PLEKHM3: variants seen among roughly 807,000 people sequenced by gnomAD.
PLEKHM3 encodes the protein pleckstrin homology domain containing M3.
A neutral mutation model predicts 81.8 loss-of-function variants in PLEKHM3; 45 were observed. The observed-to-expected ratio is 0.55, with a 90% CI of 0.43 to 0.71. PLEKHM3 has a LOEUF of 0.71. PLEKHM3 is among the 30% of genes least tolerant of loss of function. PLEKHM3 has a pLI of 0.00. For synonymous variants in PLEKHM3, 352 were observed against 356.4 expected (o/e 0.99, Z 0.14); for missense variants, 788 against 924.3 (o/e 0.85, Z 1.91).
intron 7 of PLEKHM3, among the ~76,000 whole-genome samples, chr2:207,837,697 C>A (rs2092327457): frequency 7.1e-6 from 1 of 139,892 alleles, no homozygotes; most frequent in Admixed American, 7.6e-5. Context: ...CGTGATCTGC[C>A]CACCTCGGCC....
intron 2 of PLEKHM3, among the ~76,000 whole-genome samples, chr2:207,978,191 T>A (rs1279929485): frequency 6.6e-6 from 1 of 151,406 alleles, no homozygotes; most frequent in Non-Finnish European, 1.5e-5. Context: ...AACATCAACG[T>A]GAGATGCAGA....
At chr2:207,907,997 C>G (rs569632801) in intron 6 of PLEKHM3, among the ~76,000 whole-genome samples, 1 of 152,098 alleles carries the variant, frequency 6.6e-6, no homozygotes, top group East Asian at 1.9e-4. Context: ...AAGATTTATC[C>G]ATATTGTAGC....
At chr2:207,925,098 A>C (rs1246391734) in intron 5 of PLEKHM3, among the ~76,000 whole-genome samples, 1 of 152,008 alleles carries the variant, frequency 6.6e-6, no homozygotes, top group East Asian at 1.9e-4. Context: ...TGAGTGCTTA[A>C]GATGGGATCT....
intron 4 of PLEKHM3, among the ~76,000 whole-genome samples, chr2:207,943,590 C>T (rs905312227): frequency 2.2e-4 from 33 of 151,908 alleles, no homozygotes; most frequent in Non-Finnish European, 4.1e-4. Context: ...CCATATAGGC[C>T]GGGCGCGGTG....
chr2:208,001,515 A>C lies in PLEKHM3; in HGVS notation c.125T>G (p.Val42Gly), dbSNP rs756976770. The change falls in exon 2 of 8, where the codon GTC becomes GGC. Residue 42 changes from valine (V) to glycine (G), a missense_variant. Transcript: ENST00000427836. ...QQAEVYGIQE[V>G]PELVGHEVLS... ...TACCTCATGCCCCACCAGTTCAGGG[A>C]CTTCCTGGATCCCATAAACCTCTGC... 2.5e-6 allele frequency: 4 copies of C among 1,614,004 alleles called. No homozygotes were observed. Among genetic ancestry groups the C allele is most frequent in the Non-Finnish European group, 3.4e-6 (4 of 1,180,022 alleles).
chr2:207,918,395 G>A (rs1234381859), intron 5 of PLEKHM3, among the ~76,000 whole-genome samples: 3 of 152,090 alleles, frequency 2.0e-5, no homozygotes, highest in East Asian at 3.9e-4. Context: ...GGTGGTGGGC[G>A]CCTGTAGTCC....
chr2:208,020,653 A>G (rs541970265), intron 1 of PLEKHM3, among the ~76,000 whole-genome samples: 27 of 152,354 alleles, frequency 1.8e-4, no homozygotes, highest in African/African-American at 6.3e-4. Context: ...GCTAGGATGT[A>G]GTTCAGTTCC....
At chr2:207,929,937 A>G in intron 5 of PLEKHM3, 1 of 696,634 alleles carries the variant, frequency 1.4e-6, no homozygotes, top group Non-Finnish European at 2.6e-6. Context: ...GCTGCTGGTC[A>G]TTTCTATTAA....
chr2:207,928,006 T>A lies in PLEKHM3; in HGVS notation c.1886+2920A>T, dbSNP rs577750683. On this transcript the variant is annotated intron_variant, in intron 5 of 7. Transcript: ENST00000427836. ...ATTAAATTTTTTAATAAAAAAGATT[T>A]AAAAAAAATTCAATAACATCCCCCC... Among the ~76,000 whole-genome samples, 327 of 152,126 alleles carry A rather than the reference T, an allele frequency of 2.1e-3. 3 individuals are homozygous for A. Among genetic ancestry groups the A allele is most frequent in the African/African-American group, 7.5e-3 (311 of 41,508 alleles).
chr2:208,011,695 A>T (rs1692697790), intron 1 of PLEKHM3, among the ~76,000 whole-genome samples: 1 of 151,662 alleles, frequency 6.6e-6, no homozygotes, highest in African/African-American at 2.4e-5. Context: ...CCAAAATCTC[A>T]CAAGTCACCA....
chr2:207,913,720 A>T (rs912917885), intron 5 of PLEKHM3, among the ~76,000 whole-genome samples: 2 of 137,892 alleles, frequency 1.5e-5, no homozygotes, highest in Non-Finnish European at 3.4e-5. Context: ...GGACTAAGAA[A>T]GGATTTTTTT....
intron 7 of PLEKHM3, among the ~76,000 whole-genome samples, chr2:207,837,634 T>G (rs2092326790): frequency 7.1e-6 from 1 of 140,890 alleles, no homozygotes; most frequent in Admixed American, 7.1e-5. Context: ...AGTTCTCCCT[T>G]TTTTTTTTTT....
At chr2:207,862,983 G>A (rs1439625018) in intron 6 of PLEKHM3, among the ~76,000 whole-genome samples, 1 of 152,232 alleles carries the variant, frequency 6.6e-6, no homozygotes, top group African/African-American at 2.4e-5. Flanking sequence ...TTCTCTGGAA[G>A]ACTGTGGTGA....
intron 6 of PLEKHM3, among the ~76,000 whole-genome samples, chr2:207,883,316 A>G (rs754678754): frequency 1.6e-4 from 25 of 152,332 alleles, no homozygotes; most frequent in Admixed American, 3.3e-4. Flanking sequence ...TCAAAACATC[A>G]GAGTCCAATG....
intron 1 of PLEKHM3, among the ~76,000 whole-genome samples, chr2:208,009,358 T>C (rs747353452): frequency 3.9e-5 from 6 of 152,202 alleles, no homozygotes; most frequent in Non-Finnish European, 8.8e-5. Context: ...GCAAGCTTTT[T>C]TGGGTCCCTG....
chr2:207,918,521 C>CAACAAACA (rs537716018), intron 5 of PLEKHM3, among the ~76,000 whole-genome samples: 3 of 151,480 alleles, frequency 2.0e-5, no homozygotes, highest in Non-Finnish European at 4.4e-5. Flanking sequence ...GACTCTGTCT[C>CAACAAACA]AACAAACAAA....
chr2:207,880,867 C>CTT (rs57873104), intron 6 of PLEKHM3, among the ~76,000 whole-genome samples: 73 of 143,114 alleles, frequency 5.1e-4, no homozygotes, highest in Admixed American at 1.2e-3. Context: ...CATAAGAAGT[C>CTT]TTTTTTTTTA....
At chr2:208,002,383 G>C (rs1237467216) in intron 1 of PLEKHM3, among the ~76,000 whole-genome samples, 2 of 152,104 alleles carry the variant, frequency 1.3e-5, no homozygotes, top group South Asian at 2.1e-4. Flanking sequence ...TGATTTGTTG[G>C]GTTTAAAGGT....
rs1170073686 is a variant in PLEKHM3, at chr2:207,956,718, ATTT to A, written c.1547-10209_1547-10207del. Among the ~76,000 whole-genome samples the A allele has an allele frequency of 6.9e-3, 480 of 69,074 alleles. 2 individuals are homozygous for A. The highest frequency in any genetic ancestry group is 0.023 in the African/African-American group (454 of 19,332). The allele number at this position is 69,074 out of a possible 152,430, so 45.3% of individuals were successfully genotyped here. Reference sequence around the variant, plus strand: ...ATGCCACCACACCTGGCTGATTAAAATTTTTTTTTTTTTTTTTTTTTTTTTTTT... The same window carrying A: ...ATGCCACCACACCTGGCTGATTAAAATTTTTTTTTTTTTTTTTTTTTTTTT... On this transcript the variant is annotated intron_variant, in intron 3 of 7. Transcript: ENST00000427836.
Sources: gnomAD v4.1 joint callset for allele counts (sites outside exome capture counted in the v4.1 genomes callset) on GRCh38, gnomAD v4.1.1 for gene constraint, MANE v1.5 for transcripts, NCBI Gene and HGNC (gene_info 2026-07-23, HGNC 2026-07-21) for gene names.